SLC1A1: variants seen among roughly 807,000 people sequenced by gnomAD.
SLC1A1 encodes solute carrier family 1 member 1.
Under a neutral mutation model 53.3 loss-of-function variants are expected in SLC1A1, and 43 were observed. The ratio of observed to expected loss-of-function variants is 0.81; its 90% CI spans 0.63 to 1.04. SLC1A1 has a LOEUF of 1.04. Among genes scored for constraint, SLC1A1 ranks in the 50% least tolerant of loss-of-function variants. The pLI, the probability that SLC1A1 is intolerant of heterozygous loss-of-function variation, is 0.00. For missense variants in SLC1A1, 748 were observed against 664.9 expected (o/e 1.12, Z -1.37); for synonymous variants, 307 against 243.2 (o/e 1.26, Z -2.44).
rs562309159 is a variant in SLC1A1, at chr9:4,578,801, G to A, written c.1193+2038G>A. Among the ~76,000 whole-genome samples, 3 of 152,330 alleles carry A rather than the reference G, an allele frequency of 2.0e-5. No individual in the cohort carries two copies. In the East Asian group the frequency reaches 5.8e-4, roughly 29 times the overall value. ...AATTGGATAGCACAGACACAGAATA[G>A]TTTCATCATTGCAGAAAGTTCTTTT... On this transcript the variant is annotated intron_variant, in intron 10 of 11. Transcript: ENST00000262352.
In SLC1A1 at chr9:4,580,323, G is replaced by GT. The variant is rs558423962; in HGVS notation, c.1194-2714dup. On this transcript the variant is annotated intron_variant, in intron 10 of 11. Coordinates refer to ENST00000262352, the MANE Select transcript of SLC1A1 (RefSeq NM_004170.6). ...CAGCAGGGCGCAGAGGCTCACACCTGTAATATCAGCACTTTAAGAGGCCAA... is the reference window on the plus strand; with the variant it reads ...CAGCAGGGCGCAGAGGCTCACACCTGTTAATATCAGCACTTTAAGAGGCCAA... Among the ~76,000 whole-genome samples, 795 of 152,302 alleles carry GT rather than the reference G, an allele frequency of 5.2e-3. 5 individuals are homozygous for GT. The highest frequency in any genetic ancestry group is 0.017 in the African/African-American group (716 of 41,570).
At chr9:4,562,059 TA>T in intron 3 of SLC1A1, among the ~76,000 whole-genome samples, 1 of 136,136 alleles carries the variant, frequency 7.3e-6, no homozygotes, top group Non-Finnish European at 1.6e-5. Flanking sequence ...TGCCTGGCCC[TA>T]ACTACTTTTT....
At chr9:4,541,636 T>C (rs1290480520) in intron 1 of SLC1A1, among the ~76,000 whole-genome samples, 1 of 152,214 alleles carries the variant, frequency 6.6e-6, no homozygotes, top group Non-Finnish European at 1.5e-5. Flanking sequence ...GGCTAATCTA[T>C]AATCAGAGAA....
intron 10 of SLC1A1, 30 bp downstream of exon 10, chr9:4,576,793 C>T (rs1444627445): frequency 2.5e-6 from 4 of 1,587,468 alleles, no homozygotes; most frequent in African/African-American, 2.7e-5. Flanking sequence ...TCATTGTCAT[C>T]ACTGATACAG....
chr9:4,567,850 C>A, intron 6 of SLC1A1, 83 bp downstream of exon 6: 2 of 915,488 alleles, frequency 2.2e-6, no homozygotes, highest in South Asian at 1.4e-5. Flanking sequence ...CAATCCTCGT[C>A]ATTCACAGAA....
intron 8 of SLC1A1, among the ~76,000 whole-genome samples, chr9:4,574,530 A>G (rs1820366023): frequency 6.6e-6 from 1 of 152,150 alleles, no homozygotes; most frequent in African/African-American, 2.4e-5. Context: ...AGAGGGTGCC[A>G]GGAGAATCTT....
Position 4,583,120 on chromosome 9 carries a change from G to A in SLC1A1, c.1276G>A (p.Val426Met), listed in dbSNP as rs777481298. The A allele has an allele frequency of 5.8e-5, 93 of 1,614,170 alleles. No individual in the cohort carries two copies. The highest frequency in any genetic ancestry group is 4.9e-4 in the Middle Eastern group (3 of 6,062). The stretch of plus-strand genomic sequence containing the variant: ...GACCATGGTGATTGTGCTGAGTGCC[G>A]TGGGCCTGCCCGCCGAGGATGTCAC... ...LVTMVIVLSA[V>M]GLPAEDVTLI... is the part of the protein sequence containing the mutation. Residue 426 changes from valine to methionine, a missense_variant, in exon 11 of 12, where the codon GTG becomes ATG. Coordinates refer to ENST00000262352, the MANE Select transcript of SLC1A1 (RefSeq NM_004170.6). This position sits in a 1 kb window ranked among gnomAD's most constrained non-coding sequence, Gnocchi z 4.6.
chr9:4,562,423 G>T (rs539391960), intron 3 of SLC1A1, among the ~76,000 whole-genome samples: 1 of 152,200 alleles, frequency 6.6e-6, no homozygotes, highest in East Asian at 1.9e-4. Context: ...GTGGAGTTGA[G>T]TATAATTATA....
chr9:4,576,383 C>A (rs1820549147), intron 9 of SLC1A1, among the ~76,000 whole-genome samples, 186 bp from the exon 10 acceptor site: 1 of 152,206 alleles, frequency 6.6e-6, no homozygotes, highest in African/African-American at 2.4e-5. Context: ...GATTCCTGGA[C>A]CTGCCTAAAG....
intron 1 of SLC1A1, 72 bp downstream of exon 1, chr9:4,490,842 G>C: frequency 1.5e-6 from 2 of 1,312,648 alleles, no homozygotes; most frequent in African/African-American, 1.5e-5. Context: ...GTGCGGCTGA[G>C]GGTGGGCTTG....
At chr9:4,497,783 A>T (rs1820485975) in intron 1 of SLC1A1, among the ~76,000 whole-genome samples, 1 of 152,234 alleles carries the variant, frequency 6.6e-6, no homozygotes, top group African/African-American at 2.4e-5. Flanking sequence ...GCCATAAAGT[A>T]ATGAGACTGA....
At chr9:4,541,500 C>T (rs116566885) in intron 1 of SLC1A1, among the ~76,000 whole-genome samples, 2 of 152,100 alleles carry the variant, frequency 1.3e-5, no homozygotes, top group Non-Finnish European at 2.9e-5. Context: ...AACCATGAAG[C>T]CTTTGTGTGA....
chr9:4,549,202 C>G lies in SLC1A1; in HGVS notation c.232+4495C>G, dbSNP rs1384018060. On this transcript the variant is annotated intron_variant, in intron 2 of 11. Transcript: ENST00000262352. The surrounding 1 kb of genome is among the most constrained non-coding windows in gnomAD (Gnocchi z 4.1). ...CTTCCCGGATGCTCATAACTTTGCTCAGGAAGAGGTTGCAGCTCTTCCACT... is the reference window on the plus strand; with the variant it reads ...CTTCCCGGATGCTCATAACTTTGCTGAGGAAGAGGTTGCAGCTCTTCCACT... Among the ~76,000 whole-genome samples the G allele has an allele frequency of 2.6e-5, 4 of 152,134 alleles. No individual in the cohort carries two copies. The highest frequency in any genetic ancestry group is 2.0e-4 in the Admixed American group (3 of 15,268).
chr9:4,538,983 C>G (rs988941359), intron 1 of SLC1A1, among the ~76,000 whole-genome samples: 3 of 152,210 alleles, frequency 2.0e-5, no homozygotes, highest in African/African-American at 7.2e-5. Context: ...TAGTGCCTAG[C>G]ATGATGACAT....
chr9:4,582,950 G>C, intron 10 of SLC1A1, 88 bp from the exon 11 acceptor site: 18 of 1,531,042 alleles, frequency 1.2e-5, no homozygotes, highest in South Asian at 2.2e-5. Flanking sequence ...AATAGCCATC[G>C]GGACTAAGCG....
chr9:4,540,200 C>G (rs1402932379), intron 1 of SLC1A1, among the ~76,000 whole-genome samples: 2 of 152,094 alleles, frequency 1.3e-5, no homozygotes, highest in Non-Finnish European at 2.9e-5. Context: ...AGGGAGGAGT[C>G]TGGCCAGGGA....
intron 7 of SLC1A1, among the ~76,000 whole-genome samples, chr9:4,573,541 C>T (rs116316801): frequency 3.7e-3 from 564 of 152,188 alleles, no homozygotes; most frequent in African/African-American, 0.013. Flanking sequence ...CTAGAAAGAG[C>T]CATATTTGGC....
intron 2 of SLC1A1, among the ~76,000 whole-genome samples, chr9:4,559,303 A>G (rs141758585): frequency 1.6e-3 from 246 of 152,298 alleles, no homozygotes; most frequent in African/African-American, 5.3e-3. Context: ...CAATTGCACA[A>G]TCTTTTCTCA....
intron 1 of SLC1A1, among the ~76,000 whole-genome samples, chr9:4,530,395 C>T (rs917373776): frequency 5.3e-5 from 8 of 152,146 alleles, no homozygotes; most frequent in Admixed American, 4.6e-4. Flanking sequence ...GATTCAGGAG[C>T]GGCTTCAAGA....
Sources: gnomAD v4.1 joint callset for allele counts (sites outside exome capture counted in the v4.1 genomes callset) on GRCh38, gnomAD v4.1.1 for gene constraint, Gnocchi (gnomAD v3.1) non-coding constraint, MANE v1.5 for transcripts, NCBI Gene and HGNC (gene_info 2026-07-23, HGNC 2026-07-21) for gene names.